Variants in ZBTB25 observed in about 807,000 individuals in gnomAD.
ZBTB25 encodes zinc finger and BTB domain-containing protein 25.
In ZBTB25, 20 loss-of-function variants were observed where a neutral mutation model predicts 34.2. That is an observed-to-expected ratio of 0.58 (90% CI 0.41 to 0.85). ZBTB25 has a LOEUF of 0.85. Ranked by LOEUF, ZBTB25 falls within the 40% of genes least tolerant of loss-of-function variation. The pLI is 0.00. For missense variants in ZBTB25, 437 were observed against 521.8 expected, an observed-to-expected ratio of 0.84 and a Z score of 1.58; for synonymous variants, 175 against 186.4, an observed-to-expected ratio of 0.94 and a Z score of 0.50.
intron 2 of ZBTB25, among the ~76,000 whole-genome samples, chr14:64,455,343 A>G (rs2078452558): frequency 6.6e-6 from 1 of 152,240 alleles, no homozygotes; most frequent in South Asian, 2.1e-4. Flanking sequence ...GAATTTCCCC[A>G]TTAAAAAATG....
chr14:64,504,798 A>G, upstream of ZBTB25: 3 of 385,160 alleles, frequency 7.8e-6, no homozygotes, highest in Non-Finnish European at 1.4e-5. Flanking sequence ...GCAGAGCCAG[A>G]GCCTCTCCGC....
chr14:64,480,218 G>A lies in ZBTB25; in HGVS notation c.*6705C>T, dbSNP rs927165772. On this transcript the variant is annotated 3_prime_UTR_variant, in exon 3 of 3. Coordinates refer to ENST00000608382, the MANE Select transcript of ZBTB25 (RefSeq NM_006977.5). The stretch of plus-strand genomic sequence containing the variant: ...GGAACCTGTAATCTCAGCTACTCGG[G>A]AGGCTGAGGCAGGAGAATAGCTTGA... 13 of 254,064 alleles carry A rather than the reference G, an allele frequency of 5.1e-5. No individual in the cohort carries two copies. The highest frequency in any genetic ancestry group is 1.7e-4 in the South Asian group (5 of 29,780). The allele number at this position is 254,064 out of a possible 1,614,324, so 15.7% of individuals were successfully genotyped here.
Position 64,487,040 on chromosome 14 carries a change from G to A in ZBTB25, c.1191C>T (p.Asp397=), listed in dbSNP as rs769863962. 2.5e-6 allele frequency: 4 copies of A among 1,614,182 alleles called. No homozygotes were observed. Among genetic ancestry groups the A allele is most frequent in the South Asian group, 1.1e-5 (1 of 91,076 alleles). The part of the protein sequence containing the change: ...ALAQRFQPYC[D]SWSDVSLKSS... ...TTTTCAGGGAGACATCAGACCAGCTGTCACAGTATGGCTGAAATCTCTGGG... is the reference window on the plus strand; with the variant it reads ...TTTTCAGGGAGACATCAGACCAGCTATCACAGTATGGCTGAAATCTCTGGG... Residue 397 remains aspartate (D), a synonymous_variant, in exon 3 of 3, where the codon GAC becomes GAT. Coordinates refer to ENST00000608382, the MANE Select transcript of ZBTB25 (RefSeq NM_006977.5).
At chr14:64,469,436 A>G (rs1256143275) in intron 2 of ZBTB25, 6 of 1,613,208 alleles carry the variant, frequency 3.7e-6, no homozygotes, top group Non-Finnish European at 5.1e-6. Flanking sequence ...CACTGAAATC[A>G]GTGAATTTGA....
At chr14:64,504,692 A>T (rs559671598), upstream of ZBTB25, 640 of 363,116 alleles carry the variant, frequency 1.8e-3, 18 homozygotes, top group East Asian at 0.025. Context: ...ACTGGTGGGC[A>T]GACCCGGAGT....
At chr14:64,488,144 T>G in intron 2 of ZBTB25, 87 bp from the exon 3 acceptor site, 1 of 1,504,990 alleles carries the variant, frequency 6.6e-7, no homozygotes, top group African/African-American at 1.4e-5. Flanking sequence ...ACTAAAGCAA[T>G]TTCTTCCTAA....
intron 1 of ZBTB25, among the ~76,000 whole-genome samples, chr14:64,494,715 G>A (rs1159882837): frequency 1.3e-5 from 2 of 152,190 alleles, no homozygotes; most frequent in Non-Finnish European, 2.9e-5. Flanking sequence ...TAAGGAAGCT[G>A]CAGATCAGAA....
intron 2 of ZBTB25, among the ~76,000 whole-genome samples, chr14:64,451,349 G>C (rs2078370091): frequency 6.6e-6 from 1 of 151,974 alleles, no homozygotes; most frequent in South Asian, 2.1e-4. Flanking sequence ...GATAATCATA[G>C]ACTTTCAAAA....
At chr14:64,493,647 G>A (rs955977984) in intron 1 of ZBTB25, among the ~76,000 whole-genome samples, 4 of 152,252 alleles carry the variant, frequency 2.6e-5, no homozygotes, top group African/African-American at 9.6e-5. Flanking sequence ...AAACTGACAT[G>A]ACTTGTCACC....
At chr14:64,493,036 A>G (rs560402368) in intron 1 of ZBTB25, among the ~76,000 whole-genome samples, 2 of 152,362 alleles carry the variant, frequency 1.3e-5, no homozygotes, top group East Asian at 3.8e-4. Flanking sequence ...AAAATGAATA[A>G]AATTACTGGG....
chr14:64,498,601 G>A (rs546247103), intron 1 of ZBTB25, among the ~76,000 whole-genome samples: 1 of 151,840 alleles, frequency 6.6e-6, no homozygotes, highest in South Asian at 2.1e-4. Flanking sequence ...GTAGGCCACT[G>A]TTCCCGGCCA....
At chr14:64,499,786 T>TA (rs2079422953) in intron 1 of ZBTB25, among the ~76,000 whole-genome samples, 2 of 152,188 alleles carry the variant, frequency 1.3e-5, no homozygotes. Context: ...CTGTTTGAGG[T>TA]AAAATCTGCT....
Position 64,486,992 on chromosome 14 carries a change from G to C in ZBTB25, c.1239C>G (p.His413Gln). Residue 413 changes from histidine to glutamine, a missense_variant, in exon 3 of 3, where the codon CAC becomes CAG. By Grantham distance (24) the His-to-Gln change is conservative (BLOSUM62 0). Transcript: ENST00000608382. ...ACTCTAAGGCACAAGGCAAGTCTAA[G>C]TGTTCTTGTGACAAGCGAGAACTTT... The part of the protein sequence containing the change: ...SLKSSRLSQE[H>Q]LDLPCALESE... 6.2e-7 allele frequency: 1 copy of C among 1,614,186 alleles called. No homozygotes were observed.
chr14:64,486,827 T>C lies in ZBTB25; in HGVS notation c.*96A>G. 1.4e-6 allele frequency: 2 copies of C among 1,456,970 alleles called. No individual in the cohort carries two copies. Among genetic ancestry groups the C allele is most frequent in the Non-Finnish European group, 1.8e-6 (2 of 1,108,014 alleles). The allele number at this position is 1,456,970 out of a possible 1,614,324, so 90.3% of individuals were successfully genotyped here. A position where few individuals can be genotyped will look rare whatever the true frequency, so the allele number is the denominator to read the frequency against. On this transcript the variant is annotated 3_prime_UTR_variant, in exon 3 of 3. Coordinates refer to ENST00000608382, the MANE Select transcript of ZBTB25 (RefSeq NM_006977.5). ...ATGGATAAGCTGTGAAGAAAAAAAGTCAATGAAACTTGAGGAGGAAAATAA... is the reference window on the plus strand; with the variant it reads ...ATGGATAAGCTGTGAAGAAAAAAAGCCAATGAAACTTGAGGAGGAAAATAA...
At chr14:64,469,287 A>G (rs1207686852) in intron 2 of ZBTB25, 7 of 1,613,060 alleles carry the variant, frequency 4.3e-6, no homozygotes, top group Non-Finnish European at 5.9e-6. Context: ...GAAAGTACAG[A>G]GATTGTAGCT....
intron 2 of ZBTB25, chr14:64,469,725 T>G: frequency 2.5e-6 from 3 of 1,183,276 alleles, no homozygotes; most frequent in Non-Finnish European, 3.6e-6. Context: ...AATGAAGAAT[T>G]CTTTTATACA....
rs2079038553 is a variant in ZBTB25, at chr14:64,490,383, T to A, written c.151A>T (p.Met51Leu). 6.2e-7 allele frequency: 1 copy of A among 1,604,440 alleles called. No individual in the cohort carries two copies. ...TACCTTGTTTGGTGAATAAATATCATCTTGAAATAGTTAGAAAAAGCAGCA... is the reference window on the plus strand; with the variant it reads ...TACCTTGTTTGGTGAATAAATATCAACTTGAAATAGTTAGAAAAAGCAGCA... ...VLAAFSNYFK[M>L]IFIHQTSECI... The change falls in exon 2 of 3, where the codon ATG (methionine) becomes TTG (leucine). Residue 51 changes from methionine (M) to leucine (L), a missense_variant. Coordinates refer to ENST00000608382, the MANE Select transcript of ZBTB25 (RefSeq NM_006977.5).
intron 1 of ZBTB25, among the ~76,000 whole-genome samples, chr14:64,497,103 A>G (rs1296220545): frequency 2.0e-5 from 3 of 152,190 alleles, no homozygotes; most frequent in Non-Finnish European, 2.9e-5. Context: ...TTTTGCAAAT[A>G]TGTTGAATCA....
At chr14:64,454,432 A>G (rs1348146757) in intron 2 of ZBTB25, among the ~76,000 whole-genome samples, 1 of 152,050 alleles carries the variant, frequency 6.6e-6, no homozygotes, top group Non-Finnish European at 1.5e-5. Flanking sequence ...TTTTATTCTC[A>G]TATCTACTCC....
Sources: allele counts gnomAD v4.1 joint callset (sites outside exome capture counted in the v4.1 genomes callset), GRCh38; gene constraint gnomAD v4.1.1; transcripts MANE v1.5; gene names NCBI Gene and HGNC (gene_info 2026-07-23, HGNC 2026-07-21).